Variants in SMOC2 observed in about 807,000 individuals in gnomAD.
SMOC2 encodes the protein SPARC related modular calcium binding 2.
In SMOC2, 39 loss-of-function variants were observed where a neutral mutation model predicts 61.4. The observed-to-expected ratio is 0.64, with a 90% confidence interval of 0.49 to 0.83. SMOC2 has a LOEUF of 0.83. Ranked by LOEUF, SMOC2 falls within the 40% of genes least tolerant of loss-of-function variation. SMOC2 has a pLI of 0.00. For missense variants in SMOC2, 556 were observed against 592.9 expected (o/e 0.94, Z 0.65); for synonymous variants, 247 against 239.9 (o/e 1.03, Z -0.27).
At position 168,475,427 on chromosome 6, in the gene SMOC2, A is replaced by G. The variant is rs1316409415; in HGVS notation, c.84+33973A>G. Among the ~76,000 whole-genome samples the G allele has an allele frequency of 5.9e-5, 9 of 152,068 alleles. No individual in the cohort carries two copies. Among genetic ancestry groups the G allele is most frequent in the Non-Finnish European group, 8.8e-5 (6 of 67,986 alleles). ...CACGTGGTGCGTACAACCTTGCTCA[A>G]TCCCTCCCCCACCCCACCAGGTCGT... On this transcript the variant is annotated intron_variant, in intron 1 of 12. Transcript: ENST00000356284. This position sits in a 1 kb window ranked among gnomAD's most constrained non-coding sequence, Gnocchi z 4.6.
At position 168,453,648 on chromosome 6, in the gene SMOC2, TTCTC is replaced by T. The variant is rs975863324; in HGVS notation, c.84+12198_84+12201del. ...TGTCTCTTTGTCTCTCTCTGTCTCTTTCTCTCTGTCTCTTCCTGTCTCTTTCTGT... is the reference window on the plus strand; with the variant it reads ...TGTCTCTTTGTCTCTCTCTGTCTCTTTCTGTCTCTTCCTGTCTCTTTCTGT... On this transcript the variant is annotated intron_variant, in intron 1 of 12. Transcript: ENST00000356284. This position sits in a 1 kb window ranked among gnomAD's most constrained non-coding sequence, Gnocchi z 4.4. Among the ~76,000 whole-genome samples, 4 of 151,620 alleles carry T rather than the reference TTCTC, an allele frequency of 2.6e-5. No homozygotes were observed. In the South Asian group the frequency reaches 6.3e-4, roughly 24 times the overall value.
chr6:168,509,303 A>G (rs966656398), intron 1 of SMOC2, among the ~76,000 whole-genome samples: 6 of 152,350 alleles, frequency 3.9e-5, no homozygotes, highest in African/African-American at 1.2e-4. Context: ...AGAGAAATAC[A>G]CAAGCTTCCT....
At chr6:168,537,790 C>T (rs1455309232) in intron 4 of SMOC2, among the ~76,000 whole-genome samples, 1 of 152,170 alleles carries the variant, frequency 6.6e-6, no homozygotes, top group Admixed American at 6.5e-5. Flanking sequence ...GTGGCTGGAG[C>T]CCACAGGGTG....
chr6:168,449,784 T>A (rs1781419464), intron 1 of SMOC2, among the ~76,000 whole-genome samples: 1 of 152,220 alleles, frequency 6.6e-6, no homozygotes, highest in African/African-American at 2.4e-5. Context: ...TAATGAAGCA[T>A]AAAATAAACA....
intron 7 of SMOC2, among the ~76,000 whole-genome samples, chr6:168,565,753 C>T (rs1232200713): frequency 6.6e-6 from 1 of 152,188 alleles, no homozygotes; most frequent in Non-Finnish European, 1.5e-5. Context: ...ACCACCAACG[C>T]CATCACCCTT....
intron 1 of SMOC2, among the ~76,000 whole-genome samples, chr6:168,460,025 A>G (rs1478284529): frequency 6.6e-6 from 1 of 152,130 alleles, no homozygotes; most frequent in African/African-American, 2.4e-5. Context: ...CTCTCACTAG[A>G]ATTTTGAACT....
At chr6:168,623,329 ATTTT>A (rs11284179) in intron 9 of SMOC2, among the ~76,000 whole-genome samples, 1 of 129,108 alleles carries the variant, frequency 7.7e-6, no homozygotes, top group African/African-American at 3.0e-5. Flanking sequence ...TGGATAATTA[ATTTT>A]TTTTTTTTTT....
Position 168,653,105 on chromosome 6 carries a change from T to C in SMOC2, c.1162T>C (p.Cys388Arg). ...TCGCAAAAAATCAAAGCCCAAAAAA[T>C]GTGTGAAGAAGTTTGTTGAATACTG... ...FLRKKSKPKK[C>R]VKKFVEYCDV... Residue 388 changes from cysteine to arginine, a missense_variant, in exon 11 of 13, where the codon TGT (cysteine) becomes CGT (arginine). Cys to Arg is a radical substitution (Grantham distance 180). Coordinates refer to ENST00000356284, the MANE Select transcript of SMOC2 (RefSeq NM_001166412.2). 2 of 1,614,102 alleles carry C rather than the reference T, an allele frequency of 1.2e-6. No individual in the cohort carries two copies. The highest frequency in any genetic ancestry group is 1.6e-4 in the Middle Eastern group (1 of 6,062).
At chr6:168,519,079 G>C (rs894075598) in intron 2 of SMOC2, among the ~76,000 whole-genome samples, 3 of 150,932 alleles carry the variant, frequency 2.0e-5, no homozygotes, top group Admixed American at 6.6e-5. Context: ...GTGTATGTAT[G>C]CGTGCATGTG....
chr6:168,441,322 C>A lies in SMOC2; in HGVS notation c.-49C>A, dbSNP rs549638324. On this transcript the variant is annotated 5_prime_UTR_variant, in exon 1 of 13. Coordinates refer to ENST00000356284, the MANE Select transcript of SMOC2 (RefSeq NM_001166412.2). ...CCACTGGGCTCTCCCGGCTGCAGTG[C>A]CAGGGCGCAGGACGCGGCCGATCTC... 2.0e-6 allele frequency: 3 copies of A among 1,487,962 alleles called. No homozygotes were observed. Among genetic ancestry groups the A allele is most frequent in the Admixed American group, 4.4e-5 (2 of 45,002 alleles). The allele number at this position is 1,487,962 out of a possible 1,614,324, so 92.2% of individuals were successfully genotyped here. A position where few individuals can be genotyped will look rare whatever the true frequency, so the allele number is the denominator to read the frequency against.
Position 168,536,968 on chromosome 6 carries a change from G to GGGGCGGCAGGGTCA in SMOC2, c.464-6653_464-6652insGGCAGGGTCAGGGC, listed in dbSNP as rs1554236580. Among the ~76,000 whole-genome samples the GGGGCGGCAGGGTCA allele has an allele frequency of 1.4e-3, 214 of 152,300 alleles. 2 individuals are homozygous for GGGGCGGCAGGGTCA. Among genetic ancestry groups the GGGGCGGCAGGGTCA allele is most frequent in the African/African-American group, 4.8e-3 (198 of 41,552 alleles). ...CTGGCAGGGTCGGGGCAGCAGGGTCGGGGCTCCTGCCAGTGTCAGGACAAG... is the reference window on the plus strand; with the variant it reads ...CTGGCAGGGTCGGGGCAGCAGGGTCGGGGCGGCAGGGTCAGGGCTCCTGCCAGTGTCAGGACAAG... On this transcript the variant is annotated intron_variant, in intron 4 of 12. Transcript: ENST00000356284.
chr6:168,538,348 G>A (rs548759187), intron 4 of SMOC2, among the ~76,000 whole-genome samples: 6 of 118,988 alleles, frequency 5.0e-5, no homozygotes, highest in Admixed American at 8.3e-5. Flanking sequence ...CTGCTGGAAT[G>A]TGGGGAGTGG....
At chr6:168,523,434 C>T (rs1169694407) in intron 2 of SMOC2, among the ~76,000 whole-genome samples, 2 of 149,698 alleles carry the variant, frequency 1.3e-5, no homozygotes, top group African/African-American at 4.9e-5. Context: ...GTCACCCAGG[C>T]TGGAGTGCAG....
chr6:168,599,828 C>T (rs1390207782), intron 8 of SMOC2, among the ~76,000 whole-genome samples: 1 of 119,670 alleles, frequency 8.4e-6, no homozygotes, highest in East Asian at 3.0e-4. Context: ...CACACACACA[C>T]GCCCCCCACA....
intron 8 of SMOC2, among the ~76,000 whole-genome samples, chr6:168,605,885 A>C (rs1785673670): frequency 6.6e-6 from 1 of 152,144 alleles, no homozygotes; most frequent in African/African-American, 2.4e-5. Context: ...TAAGGGCTGG[A>C]ACTCTATCCT....
chr6:168,504,333 A>G (rs1583063086), intron 1 of SMOC2, among the ~76,000 whole-genome samples: 2 of 150,476 alleles, frequency 1.3e-5, no homozygotes, highest in African/African-American at 2.4e-5. Context: ...ATAATGTGCA[A>G]CTCGCCATAG....
chr6:168,464,904 C>T (rs557530589), intron 1 of SMOC2, among the ~76,000 whole-genome samples: 7 of 152,136 alleles, frequency 4.6e-5, no homozygotes, highest in African/African-American at 9.6e-5. Flanking sequence ...CTCACCTGGC[C>T]GCACAGTGCC....
At chr6:168,473,136 C>A (rs569283791) in intron 1 of SMOC2, among the ~76,000 whole-genome samples, 1 of 152,306 alleles carries the variant, frequency 6.6e-6, no homozygotes, top group South Asian at 2.1e-4. Flanking sequence ...AGTTTGGATG[C>A]TGCCCCAGGG....
chr6:168,480,706 T>A (rs1469994766), intron 1 of SMOC2, among the ~76,000 whole-genome samples: 1 of 151,998 alleles, frequency 6.6e-6, no homozygotes, highest in Non-Finnish European at 1.5e-5. Context: ...GAGAGAATAC[T>A]TGAAGAAACA....
Sources: gnomAD v4.1 joint callset for allele counts (sites outside exome capture counted in the v4.1 genomes callset) on GRCh38, gnomAD v4.1.1 for gene constraint, Gnocchi (gnomAD v3.1) non-coding constraint, MANE v1.5 for transcripts, NCBI Gene and HGNC (gene_info 2026-07-23, HGNC 2026-07-21) for gene names.